USP25: variants seen among roughly 807,000 people sequenced by gnomAD.
USP25 encodes ubiquitin carboxyl-terminal hydrolase 25.
Under a neutral mutation model 158.5 loss-of-function variants are expected in USP25, and 85 were observed. The ratio of observed to expected loss-of-function variants is 0.54; its 90% CI spans 0.45 to 0.64. USP25 has a LOEUF of 0.64. Among genes scored for constraint, USP25 ranks in the 30% least tolerant of loss-of-function variants. The pLI is 0.00. For missense variants in USP25, 1,242 were observed against 1,327.3 expected, an observed-to-expected ratio of 0.94 and a Z score of 1.00; for synonymous variants, 464 against 460.4, an observed-to-expected ratio of 1.01 and a Z score of -0.10.
At chr21:15,815,879 G>A (rs568146255) in intron 9 of USP25, among the ~76,000 whole-genome samples, 84 of 152,266 alleles carry the variant, frequency 5.5e-4, no homozygotes, top group Non-Finnish European at 1.0e-3. Flanking sequence ...GCTTGTAGGC[G>A]GAAGGGACTT....
intron 24 of USP25, chr21:15,876,091 T>C (rs925632690): frequency 3.9e-5 from 6 of 152,172 alleles, no homozygotes; most frequent in Non-Finnish European, 8.8e-5. Context: ...GCTGCCAAAC[T>C]TACTAGTTTT....
At chr21:15,817,790 G>T (rs928355196) in intron 9 of USP25, among the ~76,000 whole-genome samples, 8 of 152,148 alleles carry the variant, frequency 5.3e-5, no homozygotes, top group Non-Finnish European at 7.4e-5. Flanking sequence ...CCGCCCCCAT[G>T]ATTGAATTAT....
chr21:15,809,887 G>T (rs2036573783), intron 8 of USP25, among the ~76,000 whole-genome samples: 2 of 152,156 alleles, frequency 1.3e-5, no homozygotes, highest in South Asian at 4.1e-4. Context: ...CCACGTGAAA[G>T]AAGCCAGTCA....
rs777005523 is a variant in USP25, at chr21:15,826,165, T to A, written c.1305-39T>A. 12 of 1,601,028 alleles carry A rather than the reference T, an allele frequency of 7.5e-6. No individual in the cohort carries two copies. The South Asian group carries it at 1.2e-4, about 16-fold the overall frequency. On this transcript the variant is annotated intron_variant, in intron 12 of 25. Coordinates refer to ENST00000400183, the MANE Select transcript of USP25 (RefSeq NM_001283041.3). This position sits in a 1 kb window ranked among gnomAD's most constrained non-coding sequence, Gnocchi z 4.8. ...ATAATAAAGGCCCAAATATGCTGTA[T>A]ATAGAAATAAAAGCATTTGTACATT...
chr21:15,761,786 G>A (rs563994199), intron 1 of USP25, among the ~76,000 whole-genome samples: 7 of 152,216 alleles, frequency 4.6e-5, no homozygotes, highest in South Asian at 2.1e-4. Context: ...CAAGTTGCCC[G>A]CTTGGCCCCC....
intron 18 of USP25, among the ~76,000 whole-genome samples, chr21:15,845,783 T>TAC (rs2038554928): frequency 6.6e-6 from 1 of 152,148 alleles, no homozygotes; most frequent in Non-Finnish European, 1.5e-5. Context: ...CACTCTTGTG[T>TAC]ACAGAGACCT....
At chr21:15,813,992 G>A (rs2036804890) in intron 9 of USP25, among the ~76,000 whole-genome samples, 1 of 151,460 alleles carries the variant, frequency 6.6e-6, no homozygotes, top group African/African-American at 2.4e-5. Flanking sequence ...CCAGGGGGAG[G>A]TAATTGAATT....
chr21:15,763,369 T>TA (rs1263581582), intron 2 of USP25, among the ~76,000 whole-genome samples: 2 of 152,084 alleles, frequency 1.3e-5, no homozygotes, highest in African/African-American at 4.8e-5. Flanking sequence ...TCTGAAAACT[T>TA]ACATTTTTCT....
At chr21:15,783,846 G>T (rs200791622) in intron 4 of USP25, among the ~76,000 whole-genome samples, 250 of 151,744 alleles carry the variant, frequency 1.6e-3, no homozygotes, top group African/African-American at 5.9e-3. Flanking sequence ...GGTGGGTGCC[G>T]GTAGTCTCAG....
At position 15,870,699 on chromosome 21, in the gene USP25, C is replaced by T. The variant is rs1027802168; in HGVS notation, c.2885+552C>T. On this transcript the variant is annotated intron_variant, in intron 23 of 25. Transcript: ENST00000400183. ...GTATTTCTCCACATATTTCTTAATG[C>T]GTGTTGTTGAACATTAACTTCCCTA... 2.6e-5 allele frequency among the ~76,000 whole-genome samples: 4 copies of T among 152,056 alleles called. No homozygotes were observed. The South Asian group carries it at 6.2e-4, about 24-fold the overall frequency.
intron 16 of USP25, among the ~76,000 whole-genome samples, chr21:15,832,486 TTCTTC>T (rs2037852152): frequency 6.6e-6 from 1 of 152,202 alleles, no homozygotes; most frequent in Non-Finnish European, 1.5e-5. Context: ...AGTTCAGTAA[TTCTTC>T]TGAATACTCT....
At chr21:15,822,070 A>G (rs558534634) in intron 10 of USP25, among the ~76,000 whole-genome samples, 49 of 151,960 alleles carry the variant, frequency 3.2e-4, no homozygotes, top group South Asian at 6.2e-4. Context: ...TCTGTCTCAC[A>G]AGCATGGCAT....
At chr21:15,770,511 CAT>C (rs2034291554) in intron 3 of USP25, among the ~76,000 whole-genome samples, 1 of 151,880 alleles carries the variant, frequency 6.6e-6, no homozygotes, top group African/African-American at 2.4e-5. Flanking sequence ...AATTGAAAAA[CAT>C]AGTAGAATTA....
rs1212220679 is a variant in USP25, at chr21:15,843,072, C to T, written c.2337+532C>T. Among the ~76,000 whole-genome samples, 2 of 151,836 alleles carry T rather than the reference C, an allele frequency of 1.3e-5. No homozygotes were observed. Among genetic ancestry groups the T allele is most frequent in the Non-Finnish European group, 2.9e-5 (2 of 67,996 alleles). On this transcript the variant is annotated intron_variant, in intron 18 of 25. Transcript: ENST00000400183. The surrounding 1 kb of genome is among the most constrained non-coding windows in gnomAD (Gnocchi z 4.0). The stretch of plus-strand genomic sequence containing the variant: ...CTGTTTGTGAATATTTTAAGAACGT[C>T]CTGTGCAAAAACGTCATTAGGCTAC...
At chr21:15,777,073 G>C (rs935518951) in intron 3 of USP25, among the ~76,000 whole-genome samples, 2 of 152,078 alleles carry the variant, frequency 1.3e-5, no homozygotes, top group African/African-American at 4.8e-5. Context: ...TAGGGAAATT[G>C]ACCAATATAT....
chr21:15,734,771 A>G (rs2031323067), intron 1 of USP25, among the ~76,000 whole-genome samples: 1 of 152,044 alleles, frequency 6.6e-6, no homozygotes, highest in East Asian at 1.9e-4. Context: ...TAAGTTTTAT[A>G]AATGTTTCAA....
At position 15,826,326 on chromosome 21, in the gene USP25, C is replaced by T. The variant is rs2037500916; in HGVS notation, c.1427C>T (p.Ser476Phe). 6.2e-7 allele frequency: 1 copy of T among 1,614,048 alleles called. No individual in the cohort carries two copies. Among genetic ancestry groups the T allele is most frequent in the African/African-American group, 1.3e-5 (1 of 75,056 alleles). Residue 476 changes from serine to phenylalanine, a missense_variant, in exon 13 of 26, where the codon TCC (serine) becomes TTC (phenylalanine). Ser to Phe is a radical substitution (Grantham distance 155, BLOSUM62 -2). Around this residue, in one of 3 missense-constraint regions of USP25, gnomAD observed 627 missense variants for 701.4 expected, o/e 0.89. Coordinates refer to ENST00000400183, the MANE Select transcript of USP25 (RefSeq NM_001283041.3). The surrounding 1 kb of genome is among the most constrained non-coding windows in gnomAD (Gnocchi z 4.8). ...CCTGTTGACGATATTGACGCTAGTT[C>T]CCCACCTAGTGGTTCCATACCATCA... ...TSPVDDIDASSPPSGSIPSQT... is the reference protein window; with the variant it reads ...TSPVDDIDASFPPSGSIPSQT...
In USP25 at chr21:15,786,519, G is replaced by T. The variant is rs547063653; in HGVS notation, c.393-4983G>T. Among the ~76,000 whole-genome samples, 86 of 152,048 alleles carry T rather than the reference G, an allele frequency of 5.7e-4. 1 individual carries two copies. In the South Asian group the frequency reaches 0.016, roughly 29 times the overall value. ...GATACATCACAGTAACAAAGAGAAC[G>T]GAAACCATATAATTTCAGTAGATAC... On this transcript the variant is annotated intron_variant, in intron 4 of 25. Coordinates refer to ENST00000400183, the MANE Select transcript of USP25 (RefSeq NM_001283041.3).
intron 1 of USP25, among the ~76,000 whole-genome samples, chr21:15,753,415 T>G (rs2033165127): frequency 6.6e-6 from 1 of 152,174 alleles, no homozygotes; most frequent in Admixed American, 6.5e-5. Flanking sequence ...TTGATTAAAT[T>G]CCTATAGTCC....
Sources: gnomAD v4.1 joint callset for allele counts (sites outside exome capture counted in the v4.1 genomes callset) on GRCh38, gnomAD v4.1.1 for gene constraint, gnomAD v4.1.1 regional missense constraint, Gnocchi (gnomAD v3.1) non-coding constraint, MANE v1.5 for transcripts, NCBI Gene and HGNC (gene_info 2026-07-23, HGNC 2026-07-21) for gene names.